Variants in MAGEC1 observed in about 807,000 individuals in gnomAD.
The protein encoded by MAGEC1 is MAGE family member C1.
Under a neutral mutation model 1.5 loss-of-function variants are expected in MAGEC1, and 3 were observed. The ratio of observed to expected loss-of-function variants is 1.97; its 90% confidence interval spans 0.90 to 5.10. The LOEUF (loss-of-function observed/expected upper bound fraction) is 5.10, where lower values mean the gene tolerates loss of function less well. MAGEC1 is among the 30% of genes most tolerant of loss of function. The pLI, the probability that MAGEC1 is intolerant of heterozygous loss-of-function variation, is 0.02. For missense variants in MAGEC1, 985 were observed against 803.1 expected (o/e 1.23, Z -2.74); for synonymous variants, 357 against 310.4 (o/e 1.15, Z -1.58).
chrX:141,907,467 C>A lies in MAGEC1; in HGVS notation c.2063C>A (p.Ser688Tyr). 2 of 1,206,169 alleles carry A rather than the reference C, an allele frequency of 1.7e-6. No homozygotes were observed. The highest frequency in any genetic ancestry group is 2.2e-6 in the Non-Finnish European group (2 of 893,137). Residue 688 changes from serine (S) to tyrosine (Y), a missense_variant, in exon 4 of 4, where the codon TCC becomes TAC. Coordinates refer to ENST00000285879, the MANE Select transcript of MAGEC1 (RefSeq NM_005462.5). ...SPESAPEGED[S>Y]LSPLQIPQSP... ...GAGAGTGCTCCTGAGGGGGAGGATT[C>A]CCTGTCTCCTCTCCAAATTCCTCAG...
rs1927023378 is a variant in MAGEC1, at chrX:141,908,347, C to T, written c.2943C>T (p.Asp981=). The change falls in exon 4 of 4, where the codon GAC becomes GAT. Residue 981 remains aspartate, a synonymous_variant. Coordinates refer to ENST00000285879, the MANE Select transcript of MAGEC1 (RefSeq NM_005462.5). ...CCTATGTCTTTGTAAACACATTAGA[C>T]CTCACCTCTGAGGGGTGTCTGAGTG... is the stretch of plus-strand genomic sequence containing the variant. ...DDSYVFVNTL[D]LTSEGCLSDE... The T allele has an allele frequency of 1.7e-6, 2 of 1,209,396 alleles. No homozygotes were observed. Among genetic ancestry groups the T allele is most frequent in the African/African-American group, 1.8e-5 (1 of 56,895 alleles).
chrX:141,905,492 G>C lies in MAGEC1; in HGVS notation c.88G>C (p.Asp30His). 1 of 1,210,761 alleles carries C rather than the reference G, an allele frequency of 8.3e-7. No individual in the cohort carries two copies. ...ESPQSCPEGE[D>H]SQSPLQIPQS... ...TCCTCAGAGTTGTCCTGAGGGGGAG[G>C]ACTCCCAGTCTCCTCTCCAGATTCC... The change falls in exon 4 of 4, where the codon GAC (aspartate) becomes CAC (histidine). Residue 30 changes from aspartate to histidine, a missense_variant. Transcript: ENST00000285879.
chrX:141,904,669 C>A (rs900846209), intron 1 of MAGEC1, 48 bp from the exon 2 acceptor site: 1 of 188,817 alleles, frequency 5.3e-6, no homozygotes, highest in Non-Finnish European at 9.9e-6. Context: ...GTCTGGCCAG[C>A]CCCAGCTGCC....
rs763237449 is a variant in MAGEC1 at position 141,908,713 on chromosome X, C to A, written c.3309C>A (p.Tyr1103Ter). 1.7e-6 allele frequency: 2 copies of A among 1,211,143 alleles called. No homozygotes were observed. Among genetic ancestry groups the A allele is most frequent in the Non-Finnish European group, 2.2e-6 (2 of 894,788 alleles). Residue 1103 changes from tyrosine to a stop codon, truncating the protein, a stop_gained, in exon 4 of 4, where the codon TAC becomes TAA. Coordinates refer to ENST00000285879, the MANE Select transcript of MAGEC1 (RefSeq NM_005462.5). LOFTEE classifies it low-confidence loss of function (END_TRUNC). The part of the protein sequence containing the change: ...NTVPITFPSS[Y>*]KDALKDVEER... ...TCCCTATTACCTTTCCATCCTCTTA[C>A]AAGGATGCTTTGAAAGATGTGGAAG...
Position 141,908,167 on chromosome X carries a change from C to G in MAGEC1, c.2763C>G (p.Leu921=). 8.3e-7 allele frequency: 1 copy of G among 1,211,792 alleles called. No individual in the cohort carries two copies. The highest frequency in any genetic ancestry group is 3.0e-5 in the East Asian group (1 of 33,818). The change falls in exon 4 of 4, where the codon CTC becomes CTG. Residue 921 remains leucine (L), a synonymous_variant. Transcript: ENST00000285879. ...ACGAGTTGGCGCGGTTTCTTCTCCTCAAATATCAAGTGAAGCAGCCTATCA... is the reference window on the plus strand; with the variant it reads ...ACGAGTTGGCGCGGTTTCTTCTCCTGAAATATCAAGTGAAGCAGCCTATCA... ...KVDELARFLL[L]KYQVKQPITK... is the part of the protein sequence containing the mutation.
Position 141,906,414 on chromosome X carries a change from T to C in MAGEC1, c.1010T>C (p.Leu337Pro), listed in dbSNP as rs57227275. 0.016 allele frequency: 17,771 copies of C among 1,108,860 alleles called. 377 individuals are homozygous for C. The highest frequency in any genetic ancestry group is 0.028 in the Middle Eastern group (112 of 4,045). The allele number at this position is 1,108,860 out of a possible 1,213,427, so 91.4% of individuals were successfully genotyped here. A position where few individuals can be genotyped will look rare whatever the true frequency, so the allele number is the denominator to read the frequency against. The change falls in exon 4 of 4, where the codon CTT (leucine) becomes CCT (proline). Residue 337 changes from leucine (L) to proline (P), a missense_variant. Coordinates refer to ENST00000285879, the MANE Select transcript of MAGEC1 (RefSeq NM_005462.5). ...ACTTTTGAGGGTTTTCCCCAGTCTC[T>C]TCTCCAGATTCCTATGACCTCCTCC... ...HSTFEGFPQS[L>P]LQIPMTSSFS...
At position 141,907,588 on chromosome X, in the gene MAGEC1, G is replaced by T. The variant is rs761532806; in HGVS notation, c.2184G>T (p.Gln728His). The T allele has an allele frequency of 7.5e-6, 9 of 1,202,839 alleles. No homozygotes were observed. In the East Asian group the frequency reaches 2.7e-4, roughly 36 times the overall value. Residue 728 changes from glutamine (Q) to histidine (H), a missense_variant, in exon 4 of 4, where the codon CAG becomes CAT. Physicochemically the swap from Gln to His is conservative, Grantham distance 24. Transcript: ENST00000285879. ...CCCTCTCTCCTCTCCACTTTCCTCA[G>T]TTTCCTCCTCAGGGGGAGGACTTCC... is the stretch of plus-strand genomic sequence containing the variant. ...EDSLSPLHFP[Q>H]FPPQGEDFQS...
rs1926953388 is a variant in MAGEC1 at position 141,907,100 on chromosome X, CA to C, written c.1697del (p.Gln566ArgfsTer64). 1 of 1,200,451 alleles carries C rather than the reference CA, an allele frequency of 8.3e-7. No homozygotes were observed. The highest frequency in any genetic ancestry group is 1.8e-5 in the African/African-American group (1 of 54,533). On this transcript the variant is annotated frameshift_variant, in exon 4 of 4. Transcript: ENST00000285879. LOFTEE classifies it low-confidence loss of function (END_TRUNC). Reference protein sequence around the residue: ...EDSLSPHYFPQSPPQGEDSLS... With the variant: ...EDSLSPHYFPXSPPQGEDSLS... ...CTCCCTATCTCCTCACTACTTTCCTCAGAGCCCTCCTCAGGGGGAGGACTCC... is the reference window on the plus strand; with the variant it reads ...CTCCCTATCTCCTCACTACTTTCCTCGAGCCCTCCTCAGGGGGAGGACTCC...
Position 141,908,160 on chromosome X carries a change from T to C in MAGEC1, c.2756T>C (p.Leu919Pro), listed in dbSNP as rs1927011755. 2 of 1,211,941 alleles carry C rather than the reference T, an allele frequency of 1.7e-6. No individual in the cohort carries two copies. The change falls in exon 4 of 4, where the codon CTT (leucine) becomes CCT (proline). Residue 919 changes from leucine to proline, a missense_variant. Coordinates refer to ENST00000285879, the MANE Select transcript of MAGEC1 (RefSeq NM_005462.5). Reference sequence around the variant, plus strand: ...AAGGTGGACGAGTTGGCGCGGTTTCTTCTCCTCAAATATCAAGTGAAGCAG... The same window carrying C: ...AAGGTGGACGAGTTGGCGCGGTTTCCTCTCCTCAAATATCAAGTGAAGCAG... ...DEKVDELARF[L>P]LLKYQVKQPI...
chrX:141,908,635 A>G lies in MAGEC1; in HGVS notation c.3231A>G (p.Ser1077=). ...TCCTGTGGGGTCCAAGAGCTCATTCAGAAGTCATTAAGAGGAAAGTAGTAG... is the reference window on the plus strand; with the variant it reads ...TCCTGTGGGGTCCAAGAGCTCATTCGGAAGTCATTAAGAGGAAAGTAGTAG... The part of the protein sequence containing the change: ...YEFLWGPRAH[S]EVIKRKVVEF... Residue 1077 remains serine, a synonymous_variant, in exon 4 of 4, where the codon TCA becomes TCG. Transcript: ENST00000285879. 8.3e-6 allele frequency: 10 copies of G among 1,211,431 alleles called. No homozygotes were observed. Among genetic ancestry groups the G allele is most frequent in the Non-Finnish European group, 1.1e-5 (10 of 895,164 alleles).
In MAGEC1 at chrX:141,906,337, C is replaced by G. The variant is rs77196611; in HGVS notation, c.933C>G (p.Ser311=). 6.9e-5 allele frequency: 62 copies of G among 904,978 alleles called. No individual in the cohort carries two copies. The highest frequency in any genetic ancestry group is 1.5e-4 in the Admixed American group (5 of 33,889). 74.6% of individuals were successfully genotyped at this position (904,978 alleles called of 1,213,427 possible). ...SPLQIPVSSS[S]SSTLLSLFQS... is the part of the protein sequence containing the mutation. ...TCCAGATTCCTGTGAGCTCCTCCTC[C>G]TCCTCCACTTTATTGAGTCTTTTCC... The change falls in exon 4 of 4, where the codon TCC becomes TCG. Residue 311 remains serine (S), a synonymous_variant. Transcript: ENST00000285879.
chrX:141,907,551 AGTG>A lies in MAGEC1; in HGVS notation c.2149_2151del (p.Trp717del). Reference sequence around the variant, plus strand: ...CTCCATTTTCCTCAGAGTCCTCCTGAGTGGGAGGACTCCCTCTCTCCTCTCCAC... The same window carrying A: ...CTCCATTTTCCTCAGAGTCCTCCTGAGGAGGACTCCCTCTCTCCTCTCCAC... On this transcript the variant is annotated inframe_deletion, in exon 4 of 4. Coordinates refer to ENST00000285879, the MANE Select transcript of MAGEC1 (RefSeq NM_005462.5). The A allele has an allele frequency of 8.4e-7, 1 of 1,191,561 alleles. No individual in the cohort carries two copies. The highest frequency in any genetic ancestry group is 2.3e-4 in the Middle Eastern group (1 of 4,275).
chrX:141,907,173 T>G lies in MAGEC1; in HGVS notation c.1769T>G (p.Leu590Arg), dbSNP rs1276315846. 1 of 1,205,703 alleles carries G rather than the reference T, an allele frequency of 8.3e-7. No individual in the cohort carries two copies. Among genetic ancestry groups the G allele is most frequent in the Non-Finnish European group, 1.1e-6 (1 of 893,582 alleles). ...CAGAGCCCTCAGGGGGAGGACTCCC[T>G]GTCTCCTCACTACTTTCCTCAGAGC... ...FPQSPQGEDSLSPHYFPQSPP... is the reference protein window; with the variant it reads ...FPQSPQGEDSRSPHYFPQSPP... The change falls in exon 4 of 4, where the codon CTG becomes CGG. Residue 590 changes from leucine to arginine, a missense_variant. By Grantham distance (102) the Leu-to-Arg change is moderately radical. Coordinates refer to ENST00000285879, the MANE Select transcript of MAGEC1 (RefSeq NM_005462.5).
In MAGEC1 at chrX:141,903,920, A is replaced by ACT. The variant is rs2018159808; in HGVS notation, c.-259_-258insTC. 1 of 135,515 alleles carries ACT rather than the reference A, an allele frequency of 7.4e-6. No individual in the cohort carries two copies. The highest frequency in any genetic ancestry group is 1.5e-5 in the Non-Finnish European group (1 of 65,498). 11.2% of individuals were successfully genotyped at this position (135,515 alleles called of 1,213,427 possible). A position where few individuals can be genotyped will look rare whatever the true frequency, so the allele number is the denominator to read the frequency against. ...TCTGAAGGACCTGAGGCATTTTGTG[A>ACT]CGAGGATCGTCTCAGGTCAGCGGAG... On this transcript the variant is annotated 5_prime_UTR_variant, in exon 1 of 4. Coordinates refer to ENST00000285879, the MANE Select transcript of MAGEC1 (RefSeq NM_005462.5).
At chrX:141,905,282 C>A (rs1602639492) in intron 3 of MAGEC1, 127 bp from the exon 4 acceptor site, 2 of 828,670 alleles carry the variant, frequency 2.4e-6, no homozygotes, top group South Asian at 4.9e-5. Context: ...TGCAGAGGAT[C>A]CCCCAGATGA....
In MAGEC1 at chrX:141,908,623, A is replaced by T. The variant is rs372026776; in HGVS notation, c.3219A>T (p.Pro1073=). The part of the protein sequence containing the change: ...SPPRYEFLWG[P]RAHSEVIKRK... ...CTCGTTACGAATTCCTGTGGGGTCC[A>T]AGAGCTCATTCAGAAGTCATTAAGA... The change falls in exon 4 of 4, where the codon CCA becomes CCT. Residue 1073 remains proline, a synonymous_variant. Transcript: ENST00000285879. 41 of 1,209,510 alleles carry T rather than the reference A, an allele frequency of 3.4e-5. No homozygotes were observed. The East Asian group carries it at 8.0e-4, about 24-fold the overall frequency.
In MAGEC1 at chrX:141,908,056, C is replaced by T. The variant is rs1927005625; in HGVS notation, c.2652C>T (p.Thr884=). ...PVDEYTSSSD[T]LLESDSLTDS... is the part of the protein sequence containing the mutation. ...ATGAATATACAAGTTCCTCAGACACCTTGCTAGAGAGTGATTCCTTGACAG... is the reference window on the plus strand; with the variant it reads ...ATGAATATACAAGTTCCTCAGACACTTTGCTAGAGAGTGATTCCTTGACAG... Residue 884 remains threonine, a synonymous_variant, in exon 4 of 4, where the codon ACC becomes ACT. Coordinates refer to ENST00000285879, the MANE Select transcript of MAGEC1 (RefSeq NM_005462.5). 1.7e-6 allele frequency: 2 copies of T among 1,211,898 alleles called. No homozygotes were observed. Among genetic ancestry groups the T allele is most frequent in the African/African-American group, 1.7e-5 (1 of 57,854 alleles).
Position 141,908,505 on chromosome X carries a change from ACTTTGC to A in MAGEC1, c.3107_3112del (p.Ala1036_Phe1037del), listed in dbSNP as rs772867896. The A allele has an allele frequency of 1.8e-5, 22 of 1,192,646 alleles. No homozygotes were observed. The highest frequency in any genetic ancestry group is 2.1e-5 in the Non-Finnish European group (19 of 886,665). On this transcript the variant is annotated inframe_deletion, in exon 4 of 4. Coordinates refer to ENST00000285879, the MANE Select transcript of MAGEC1 (RefSeq NM_005462.5). ...ATAGGGGTGCGTGCTGGGAGGGAGC[ACTTTGC>A]CTTTGGGGAGCCCAGGGAGCTCCTC... is the stretch of plus-strand genomic sequence containing the variant.
Position 141,905,830 on chromosome X carries a change from T to G in MAGEC1, c.426T>G (p.Ser142Arg). Residue 142 changes from serine (S) to arginine (R), a missense_variant, in exon 4 of 4, where the codon AGT becomes AGG. Physicochemically the swap from Ser to Arg is moderately radical, Grantham distance 110 (BLOSUM62 -1). Transcript: ENST00000285879. ...CCTTCTTCTCCTCTGCTTTATTGAG[T>G]ATTTTCCAGAGTTCCCCTGAGAGTA... ...ASSFFSSALL[S>R]IFQSSPESTQ... 1 of 1,205,463 alleles carries G rather than the reference T, an allele frequency of 8.3e-7. No homozygotes were observed. The highest frequency in any genetic ancestry group is 1.7e-5 in the African/African-American group (1 of 57,497).
Sources: gnomAD v4.1 joint callset for allele counts on GRCh38, gnomAD v4.1.1 for gene constraint, MANE v1.5 for transcripts, NCBI Gene and HGNC (gene_info 2026-07-23, HGNC 2026-07-21) for gene names.